Variants in SH3BGRL observed in about 807,000 individuals in gnomAD.
The protein encoded by SH3BGRL is adapter SH3BGRL.
A neutral mutation model predicts 9.8 loss-of-function variants in SH3BGRL; 7 were observed. The observed-to-expected ratio is 0.72, with a 90% CI of 0.41 to 1.35. The LOEUF is 1.35. Among genes scored for constraint, SH3BGRL ranks in the 40% most tolerant of loss-of-function variants. SH3BGRL has a pLI of 0.01. For missense variants in SH3BGRL, 73 were observed against 84.4 expected, an observed-to-expected ratio of 0.86 and a Z score of 0.53; for synonymous variants, 36 against 29.1, an observed-to-expected ratio of 1.24 and a Z score of -0.76.
intron 2 of SH3BGRL, among the ~76,000 whole-genome samples, chrX:81,277,813 G>A (rs1180100164): frequency 1.8e-5 from 2 of 111,832 alleles, no homozygotes; most frequent in African/African-American, 6.5e-5. Flanking sequence ...ACATAGAATA[G>A]CATACTTTTC....
chrX:81,284,204 G>A (rs2075827042), intron 3 of SH3BGRL, among the ~76,000 whole-genome samples: 3 of 111,124 alleles, frequency 2.7e-5, no homozygotes, highest in African/African-American at 9.8e-5. Flanking sequence ...GCTCATGGAT[G>A]GATACAATCA....
chrX:81,257,439 G>T (rs747801462), intron 1 of SH3BGRL, among the ~76,000 whole-genome samples: 103 of 111,724 alleles, frequency 9.2e-4, no homozygotes, highest in African/African-American at 3.2e-3. Flanking sequence ...TATGGGTCAG[G>T]AGTCCTGGCA....
At chrX:81,238,453 T>C (rs180867635) in intron 1 of SH3BGRL, among the ~76,000 whole-genome samples, 1 of 112,360 alleles carries the variant, frequency 8.9e-6, no homozygotes, top group Non-Finnish European at 1.9e-5. Flanking sequence ...ATCTTGTGGC[T>C]TAAGTGCCAG....
chrX:81,207,566 A>G (rs1465235221), intron 1 of SH3BGRL, among the ~76,000 whole-genome samples: 2 of 112,350 alleles, frequency 1.8e-5, no homozygotes, highest in East Asian at 2.8e-4. Context: ...CTCTGTCTGT[A>G]TTTATACATT....
intron 1 of SH3BGRL, among the ~76,000 whole-genome samples, chrX:81,270,123 C>A (rs191710970): frequency 2.7e-5 from 3 of 110,750 alleles, no homozygotes; most frequent in Admixed American, 1.9e-4. Context: ...ATTCATCTAA[C>A]CTTTTGTCAA....
At chrX:81,208,731 G>A (rs761593086) in intron 1 of SH3BGRL, among the ~76,000 whole-genome samples, 9 of 111,509 alleles carry the variant, frequency 8.1e-5, no homozygotes, top group Non-Finnish European at 1.7e-4. Context: ...GTTCATTTAT[G>A]ATGACTGTTT....
chrX:81,266,397 A>G (rs936432074), intron 1 of SH3BGRL, among the ~76,000 whole-genome samples: 3 of 111,817 alleles, frequency 2.7e-5, no homozygotes, highest in Admixed American at 9.5e-5. Context: ...GAAGGGGTAC[A>G]GTTTCAGATT....
chrX:81,270,983 G>A (rs957613992), intron 1 of SH3BGRL, among the ~76,000 whole-genome samples: 11 of 111,866 alleles, frequency 9.8e-5, no homozygotes, highest in Non-Finnish European at 5.6e-5. Context: ...CCAAGCTCCC[G>A]TGTCCCAGGT....
At chrX:81,243,545 T>C (rs2075678310) in intron 1 of SH3BGRL, among the ~76,000 whole-genome samples, 2 of 111,493 alleles carry the variant, frequency 1.8e-5, no homozygotes, top group Admixed American at 9.5e-5. Flanking sequence ...TATAATTGTA[T>C]TGTTTATAGC....
intron 1 of SH3BGRL, among the ~76,000 whole-genome samples, chrX:81,225,312 A>T (rs1231661745): frequency 9.0e-6 from 1 of 111,047 alleles, no homozygotes; most frequent in Non-Finnish European, 1.9e-5. Context: ...GGGGGTACAA[A>T]TGCAGTTTTC....
chrX:81,275,525 C>G (rs1371194931), intron 1 of SH3BGRL, among the ~76,000 whole-genome samples: 1 of 112,116 alleles, frequency 8.9e-6, no homozygotes, highest in South Asian at 3.7e-4. Flanking sequence ...GAAATTGAAA[C>G]CATTGATTTA....
intron 1 of SH3BGRL, among the ~76,000 whole-genome samples, chrX:81,266,162 G>A (rs1168214536): frequency 3.6e-5 from 4 of 112,133 alleles, no homozygotes; most frequent in Non-Finnish European, 5.6e-5. Context: ...TGTTCACTCT[G>A]ATGATAGTTT....
intron 3 of SH3BGRL, among the ~76,000 whole-genome samples, 153 bp from the exon 4 acceptor site, chrX:81,297,042 T>A (rs2075877497): frequency 8.9e-6 from 1 of 112,312 alleles, no homozygotes; most frequent in Admixed American, 9.4e-5. Context: ...GTTTGTATTA[T>A]ATAGTTTTTC....
At chrX:81,293,108 C>T (rs1171137201) in intron 3 of SH3BGRL, among the ~76,000 whole-genome samples, 1 of 111,544 alleles carries the variant, frequency 9.0e-6, no homozygotes, top group Admixed American at 9.5e-5. Flanking sequence ...CAGTTTCCCC[C>T]ATACTGTTCT....
At chrX:81,231,667 G>A (rs1470208132) in intron 1 of SH3BGRL, among the ~76,000 whole-genome samples, 3 of 111,660 alleles carry the variant, frequency 2.7e-5, no homozygotes, top group Non-Finnish European at 3.8e-5. Context: ...TGCTGTTTTG[G>A]TTTTGTGGTC....
intron 1 of SH3BGRL, among the ~76,000 whole-genome samples, chrX:81,238,882 G>A (rs190345890): frequency 2.1e-3 from 227 of 110,116 alleles, no homozygotes; most frequent in Middle Eastern, 9.5e-3. Context: ...AAGAGTCTCT[G>A]CCTGGTAATT....
At chrX:81,257,511 C>G (rs73508663) in intron 1 of SH3BGRL, among the ~76,000 whole-genome samples, 11,771 of 111,474 alleles carry the variant, frequency 0.11, 608 homozygotes, top group South Asian at 0.23. Flanking sequence ...ACTGACTTCT[C>G]AATCTGATGG....
chrX:81,290,677 G>A (rs1024510071), intron 3 of SH3BGRL, among the ~76,000 whole-genome samples: 10 of 109,579 alleles, frequency 9.1e-5, no homozygotes, highest in African/African-American at 2.7e-4. Flanking sequence ...TGAAGACTAC[G>A]GTCAAAAATA....
chrX:81,215,217 C>T (rs1254914536), intron 1 of SH3BGRL, among the ~76,000 whole-genome samples: 1 of 110,312 alleles, frequency 9.1e-6, no homozygotes, highest in African/African-American at 3.3e-5. Context: ...CTTCTACATT[C>T]AATACTTTTA....
Sources: gnomAD v4.1 joint callset for allele counts (sites outside exome capture counted in the v4.1 genomes callset) on GRCh38, gnomAD v4.1.1 for gene constraint, MANE v1.5 for transcripts, NCBI Gene and HGNC (gene_info 2026-07-23, HGNC 2026-07-21) for gene names.